ATP11A: variants seen among roughly 807,000 people sequenced by gnomAD.
ATP11A encodes ATPase phospholipid transporting 11A, also known as phospholipid-transporting ATPase IH.
ATP11A carries 81 observed loss-of-function variants against 154.4 expected under a neutral mutation model. The ratio of observed to expected loss-of-function variants is 0.52; its 90% confidence interval spans 0.44 to 0.63. The LOEUF (loss-of-function observed/expected upper bound fraction) is 0.63. Among genes scored for constraint, ATP11A ranks in the 30% least tolerant of loss-of-function variants. ATP11A has a pLI of 0.00. For missense variants in ATP11A, 1,316 were observed against 1,474.3 expected, an observed-to-expected ratio of 0.89 and a Z score of 1.76; for synonymous variants, 623 against 585.9, an observed-to-expected ratio of 1.06 and a Z score of -0.91.
At chr13:112,881,307 A>C in intron 29 of ATP11A, 1 of 1,000,570 alleles carries the variant, frequency 1.0e-6, no homozygotes. Flanking sequence ...CCCCATCCGT[A>C]TGGTGACATC....
chr13:112,876,150 A>T, intron 28 of ATP11A: 1 of 453,566 alleles, frequency 2.2e-6, no homozygotes, highest in Non-Finnish European at 3.6e-6. Flanking sequence ...TTCAACCTAA[A>T]CAGTCATCTG....
intron 1 of ATP11A, among the ~76,000 whole-genome samples, chr13:112,704,289 T>G (rs1886907233): frequency 6.6e-6 from 1 of 152,044 alleles, no homozygotes; most frequent in Non-Finnish European, 1.5e-5. Context: ...AACTCAGAGG[T>G]GATTGTAGGT....
At chr13:112,816,365 C>A (rs1257679759) in intron 6 of ATP11A, among the ~76,000 whole-genome samples, 154 bp downstream of exon 6, 2 of 152,192 alleles carry the variant, frequency 1.3e-5, no homozygotes, top group East Asian at 1.9e-4. Flanking sequence ...CTCACTTTTC[C>A]TTCCTCCTAT....
rs1330473507 is a variant in ATP11A at position 112,785,672 on chromosome 13, A to G, written c.162+415A>G. 6.6e-6 allele frequency among the ~76,000 whole-genome samples: 1 copy of G among 152,160 alleles called. No homozygotes were observed. The highest frequency in any genetic ancestry group is 1.5e-5 in the Non-Finnish European group (1 of 68,024). On this transcript the variant is annotated intron_variant, in intron 2 of 29. Transcript: ENST00000375645. This position sits in a 1 kb window ranked among gnomAD's most constrained non-coding sequence, Gnocchi z 4.8. The stretch of plus-strand genomic sequence containing the variant: ...CCCCGGAGAAAGAGCCAACAAACGC[A>G]GGCTGGACAGCAAAACCTGGGGGGA...
At chr13:112,770,652 G>A (rs1032902497) in intron 1 of ATP11A, among the ~76,000 whole-genome samples, 12 of 152,206 alleles carry the variant, frequency 7.9e-5, no homozygotes, top group African/African-American at 2.9e-4. Context: ...CCTGCGGAGG[G>A]CCTGTTTGCG....
At chr13:112,880,281 C>T (rs1566610296) in intron 29 of ATP11A, 2 of 163,568 alleles carry the variant, frequency 1.2e-5, no homozygotes, top group Admixed American at 6.3e-5. Context: ...CCCTCTGCCT[C>T]CCGCGGGTGC....
At chr13:112,851,248 G>C in intron 18 of ATP11A, 30 bp downstream of exon 18, 1 of 1,594,740 alleles carries the variant, frequency 6.3e-7, no homozygotes. Flanking sequence ...CCCGTCCTGA[G>C]AGACAAACTG....
intron 25 of ATP11A, among the ~76,000 whole-genome samples, chr13:112,864,923 G>A (rs188918322): frequency 1.1e-3 from 56 of 49,756 alleles, no homozygotes; most frequent in South Asian, 3.0e-3. Context: ...CACCACCTGC[G>A]CAGTAATTCA....
At chr13:112,789,878 T>G (rs2077794010) in intron 2 of ATP11A, among the ~76,000 whole-genome samples, 2 of 151,448 alleles carry the variant, frequency 1.3e-5, no homozygotes, top group African/African-American at 4.9e-5. Flanking sequence ...ACCGGTGTCC[T>G]GATGTGTAGA....
chr13:112,717,417 G>T (rs145003870), intron 1 of ATP11A: 1 of 152,168 alleles, frequency 6.6e-6, no homozygotes, highest in African/African-American at 2.4e-5. Flanking sequence ...TCAAGAGGGC[G>T]TGTGGGATTC....
intron 15 of ATP11A, among the ~76,000 whole-genome samples, chr13:112,835,315 G>A (rs956558845): frequency 1.3e-5 from 2 of 152,240 alleles, no homozygotes; most frequent in Non-Finnish European, 2.9e-5. Flanking sequence ...TTCCGGCAAA[G>A]ACACAAGATC....
chr13:112,842,178 T>C (rs2079440874), intron 16 of ATP11A, 98 bp from the exon 17 acceptor site: 1 of 937,240 alleles, frequency 1.1e-6, no homozygotes, highest in Non-Finnish European at 1.7e-6. Context: ...TCCACACTGC[T>C]ATCCCTGTTT....
Position 112,754,998 on chromosome 13 carries a change from C to T in ATP11A, c.40-30137C>T, listed in dbSNP as rs79273797. Among the ~76,000 whole-genome samples the T allele has an allele frequency of 4.0e-3, 605 of 152,348 alleles. 4 individuals are homozygous for T. The highest frequency in any genetic ancestry group is 0.014 in the African/African-American group (569 of 41,578). ...GGCTGGATGGCGCGGACCTGGGCATCGTGGCCTCTGCAGTGCCAGCTGTGC... is the reference window on the plus strand; with the variant it reads ...GGCTGGATGGCGCGGACCTGGGCATTGTGGCCTCTGCAGTGCCAGCTGTGC... On this transcript the variant is annotated intron_variant, in intron 1 of 29. Coordinates refer to ENST00000375645, the MANE Select transcript of ATP11A (RefSeq NM_015205.3). The surrounding 1 kb of genome is among the most constrained non-coding windows in gnomAD (Gnocchi z 5.3).
intron 1 of ATP11A, among the ~76,000 whole-genome samples, chr13:112,702,701 C>T (rs537486583): frequency 2.0e-5 from 3 of 150,690 alleles, no homozygotes; most frequent in African/African-American, 4.8e-5. Context: ...GTTTCAAAAG[C>T]GGTAACTAAA....
Position 112,754,616 on chromosome 13 carries a change from G to A in ATP11A, c.40-30519G>A, listed in dbSNP as rs891219845. 4 of 153,410 alleles carry A rather than the reference G, an allele frequency of 2.6e-5. No individual in the cohort carries two copies. Among genetic ancestry groups the A allele is most frequent in the Non-Finnish European group, 5.8e-5 (4 of 68,890 alleles). The allele number at this position is 153,410 out of a possible 1,614,324, so 9.5% of individuals were successfully genotyped here. A position where few individuals can be genotyped will look rare whatever the true frequency, so the allele number is the denominator to read the frequency against. On this transcript the variant is annotated intron_variant, in intron 1 of 29. Coordinates refer to ENST00000375645, the MANE Select transcript of ATP11A (RefSeq NM_015205.3). The surrounding 1 kb of genome is among the most constrained non-coding windows in gnomAD (Gnocchi z 5.3). ...CTCAGGCCACCTTCAGGGCCTCCTGGAGAGGTTGAGCCCCAGACTCCTGGG... is the reference window on the plus strand; with the variant it reads ...CTCAGGCCACCTTCAGGGCCTCCTGAAGAGGTTGAGCCCCAGACTCCTGGG...
At chr13:112,779,376 G>GCTGGAGTGAGGAGTAGCCA (rs2077441920) in intron 1 of ATP11A, among the ~76,000 whole-genome samples, 2 of 77,510 alleles carry the variant, frequency 2.6e-5, no homozygotes, top group African/African-American at 9.9e-5. Flanking sequence ...AGGAGTAGCC[G>GCTGGAGTGAGGAGTAGCCA]CTGGAGTGAG....
chr13:112,776,539 A>G (rs2077353506), intron 1 of ATP11A, among the ~76,000 whole-genome samples: 1 of 152,164 alleles, frequency 6.6e-6, no homozygotes, highest in Non-Finnish European at 1.5e-5. Flanking sequence ...CTGCCTGGCG[A>G]TGGTTCTGGG....
intron 1 of ATP11A, among the ~76,000 whole-genome samples, chr13:112,779,399 TGAG>T (rs2077443558): frequency 2.1e-5 from 3 of 142,288 alleles, no homozygotes; most frequent in Admixed American, 2.1e-4. Flanking sequence ...GCCGCTGGAG[TGAG>T]GAGTAGCCAC....
intron 29 of ATP11A, among the ~76,000 whole-genome samples, chr13:112,879,691 A>T (rs906924202): frequency 6.6e-6 from 1 of 152,258 alleles, no homozygotes; most frequent in African/African-American, 2.4e-5. Context: ...GCCTGCAGCC[A>T]GCACATGCCC....
Sources: gnomAD v4.1 joint callset for allele counts (sites outside exome capture counted in the v4.1 genomes callset) on GRCh38, gnomAD v4.1.1 for gene constraint, Gnocchi (gnomAD v3.1) non-coding constraint, MANE v1.5 for transcripts, NCBI Gene and HGNC (gene_info 2026-07-23, HGNC 2026-07-21) for gene names.